Variants in ERI1 observed in about 807,000 individuals in gnomAD.
ERI1 encodes the protein exoribonuclease 1, also known as 3'-5' exoribonuclease 1.
ERI1 carries 39 observed loss-of-function variants against 39.7 expected under a neutral mutation model. The ratio of observed to expected loss-of-function variants is 0.98; its 90% confidence interval spans 0.76 to 1.28. ERI1 has a LOEUF of 1.28. Among genes scored for constraint, ERI1 ranks in the 50% most tolerant of loss-of-function variants. The pLI is 0.00. For synonymous variants in ERI1, 204 were observed against 149.6 expected, an observed-to-expected ratio of 1.36 and a Z score of -2.65; for missense variants, 581 against 416.9, an observed-to-expected ratio of 1.39 and a Z score of -3.43.
At chr8:9,075,217 T>A (rs1258284703) in intron 3 of ERI1, among the ~76,000 whole-genome samples, 1 of 152,224 alleles carries the variant, frequency 6.6e-6, no homozygotes, top group Non-Finnish European at 1.5e-5. Context: ...TCTTATCAGC[T>A]GAGCCCAGAC....
intron 6 of ERI1, among the ~76,000 whole-genome samples, chr8:9,022,494 G>A (rs2117260962): frequency 6.6e-6 from 1 of 152,206 alleles, no homozygotes; most frequent in Middle Eastern, 3.4e-3. Flanking sequence ...CTGTCTCTTG[G>A]GTTCAAGCAG....
chr8:9,067,844 G>GT (rs80309548), intron 3 of ERI1, among the ~76,000 whole-genome samples: 66,203 of 151,578 alleles, frequency 0.44, 17,066 homozygotes, highest in East Asian at 0.7. Context: ...GCCCCAGCAG[G>GT]TTTTTTTACC....
rs1317205935 is a variant in ERI1 at position 9,032,257 on chromosome 8, A to G, written c.*2223A>G. The G allele has an allele frequency of 6.6e-6, 1 of 152,196 alleles. No individual in the cohort carries two copies. Among genetic ancestry groups the G allele is most frequent in the Non-Finnish European group, 1.5e-5 (1 of 68,044 alleles). 9.4% of individuals were successfully genotyped at this position (152,196 alleles called of 1,614,324 possible). ...GGATGTCCATGAAAACAATATTAGT[A>G]TATTCTATTATTGTTTCTTATTAAT... On this transcript the variant is annotated 3_prime_UTR_variant, in exon 7 of 7. Coordinates refer to ENST00000250263, the MANE Select transcript of ERI1 (RefSeq NM_153332.4).
At chr8:9,084,080 G>T (rs559209932) in intron 3 of ERI1, among the ~76,000 whole-genome samples, 1 of 152,066 alleles carries the variant, frequency 6.6e-6, no homozygotes, top group Admixed American at 6.6e-5. Context: ...GGCGTGAGCC[G>T]CCGTGCCCAG....
downstream of ERI1, among the ~76,000 whole-genome samples, chr8:9,037,713 T>C (rs1014411078): frequency 3.3e-5 from 5 of 152,142 alleles, no homozygotes; most frequent in Non-Finnish European, 5.9e-5. Flanking sequence ...TTGGCAGAGT[T>C]ACAGATAGGA....
At chr8:9,078,473 T>G (rs191721988) in intron 3 of ERI1, among the ~76,000 whole-genome samples, 1 of 152,102 alleles carries the variant, frequency 6.6e-6, no homozygotes, top group Non-Finnish European at 1.5e-5. Context: ...CTTGGTAAGG[T>G]TGGAATTCAA....
chr8:9,075,168 C>G (rs974286747), intron 3 of ERI1, among the ~76,000 whole-genome samples: 2 of 152,218 alleles, frequency 1.3e-5, no homozygotes, highest in Non-Finnish European at 2.9e-5. Flanking sequence ...TGTCTCCACA[C>G]CAAGCAACAC....
chr8:9,042,845 A>G (rs1053621817), intron 3 of ERI1, among the ~76,000 whole-genome samples: 1 of 152,196 alleles, frequency 6.6e-6, no homozygotes, highest in Non-Finnish European at 1.5e-5. Flanking sequence ...AATCTGAAAC[A>G]TTTCTGGTCC....
rs1380379153 is a variant in ERI1 at position 9,032,288 on chromosome 8, C to T, written c.*2254C>T. The T allele has an allele frequency of 6.6e-6, 1 of 152,154 alleles. No homozygotes were observed. Among genetic ancestry groups the T allele is most frequent in the Non-Finnish European group, 1.5e-5 (1 of 68,030 alleles). The allele number at this position is 152,154 out of a possible 1,614,324, so 9.4% of individuals were successfully genotyped here. Reference sequence around the variant, plus strand: ...TATTATTGTTTCTTATTAATAGTTACTTAGTATTTACAAACAATTTATTAT... The same window carrying T: ...TATTATTGTTTCTTATTAATAGTTATTTAGTATTTACAAACAATTTATTAT... On this transcript the variant is annotated 3_prime_UTR_variant, in exon 7 of 7. Coordinates refer to ENST00000250263, the MANE Select transcript of ERI1 (RefSeq NM_153332.4).
chr8:9,085,335 A>C (rs1043298031), intron 3 of ERI1, among the ~76,000 whole-genome samples: 1 of 152,026 alleles, frequency 6.6e-6, no homozygotes, highest in East Asian at 1.9e-4. Context: ...CAGCCTCCCA[A>C]GGAGATGAGA....
At chr8:9,018,586 A>T (rs1045926875) in intron 5 of ERI1, among the ~76,000 whole-genome samples, 180 bp downstream of exon 5, 6 of 152,212 alleles carry the variant, frequency 3.9e-5, no homozygotes, top group African/African-American at 1.4e-4. Context: ...CAGTGGTCAC[A>T]GTCCAATACA....
At chr8:9,040,658 G>A (rs1214138866) in intron 3 of ERI1, among the ~76,000 whole-genome samples, 3 of 151,572 alleles carry the variant, frequency 2.0e-5, no homozygotes, top group Non-Finnish European at 4.4e-5. Flanking sequence ...AAGACCTCTG[G>A]TCCAGTGTTG....
intron 3 of ERI1, among the ~76,000 whole-genome samples, chr8:9,039,909 G>A (rs1797962982): frequency 6.6e-6 from 1 of 151,960 alleles, no homozygotes; most frequent in South Asian, 2.1e-4. Flanking sequence ...CATTTTTTGT[G>A]AGCAGTTTTG....
At chr8:9,040,956 T>G (rs933001348) in intron 3 of ERI1, among the ~76,000 whole-genome samples, 4 of 152,174 alleles carry the variant, frequency 2.6e-5, no homozygotes, top group African/African-American at 9.7e-5. Context: ...GGTCTAGTGC[T>G]TACTCAGTCC....
chr8:9,094,677 A>G (rs1467878830), intron 3 of ERI1, among the ~76,000 whole-genome samples: 1 of 152,156 alleles, frequency 6.6e-6, no homozygotes, highest in Admixed American at 6.5e-5. Context: ...TCTGTTTTAC[A>G]ATGTGAGTTC....
chr8:9,008,042 T>G lies in ERI1; in HGVS notation c.181T>G (p.Phe61Val), dbSNP rs753149800. ...GTTCATTACCTCCAGTGCGAGTGAC[T>G]TCAGTGACCCGGTTTACAAAGAGAT... ...SKFITSSASD[F>V]SDPVYKEIAI... The change falls in exon 2 of 7, where the codon TTC becomes GTC. Residue 61 changes from phenylalanine to valine, a missense_variant. Coordinates refer to ENST00000250263, the MANE Select transcript of ERI1 (RefSeq NM_153332.4). 6.2e-7 allele frequency: 1 copy of G among 1,606,008 alleles called. No individual in the cohort carries two copies. Among genetic ancestry groups the G allele is most frequent in the Non-Finnish European group, 8.5e-7 (1 of 1,178,182 alleles).
chr8:9,027,831 C>T (rs571979107), intron 6 of ERI1, among the ~76,000 whole-genome samples: 5 of 152,188 alleles, frequency 3.3e-5, no homozygotes, highest in Non-Finnish European at 5.9e-5. Context: ...ATACCACTCT[C>T]TTTCAATTAC....
chr8:9,090,698 T>G (rs1799675926), intron 3 of ERI1, among the ~76,000 whole-genome samples: 1 of 152,192 alleles, frequency 6.6e-6, no homozygotes, highest in Non-Finnish European at 1.5e-5. Flanking sequence ...AGTTATAGAT[T>G]GTGCTTTAGA....
intron 3 of ERI1, among the ~76,000 whole-genome samples, chr8:9,094,370 G>T (rs1315340893): frequency 1.3e-5 from 2 of 152,182 alleles, no homozygotes; most frequent in East Asian, 3.9e-4. Context: ...CAAGAGTTAA[G>T]CATTGATATT....
Sources: gnomAD v4.1 joint callset for allele counts (sites outside exome capture counted in the v4.1 genomes callset) on GRCh38, gnomAD v4.1.1 for gene constraint, MANE v1.5 for transcripts, NCBI Gene and HGNC (gene_info 2026-07-23, HGNC 2026-07-21) for gene names.